Variants in TEX2 observed in about 807,000 individuals in gnomAD.
TEX2 encodes testis-expressed protein 2.
Under a neutral mutation model 106.9 loss-of-function variants are expected in TEX2, and 53 were observed. That is an observed-to-expected ratio of 0.50 (90% CI 0.40 to 0.62). The LOEUF (loss-of-function observed/expected upper bound fraction) is 0.62, where lower values mean the gene tolerates loss of function less well. Ranked by LOEUF, TEX2 falls within the 20% of genes least tolerant of loss-of-function variation. The pLI, the probability that TEX2 is intolerant of heterozygous loss-of-function variation, is 0.00. For synonymous variants in TEX2, 523 were observed against 534.8 expected, an observed-to-expected ratio of 0.98 and a Z score of 0.30; for missense variants, 1,207 against 1,379.0, an observed-to-expected ratio of 0.88 and a Z score of 1.98.
At chr17:64,211,023 G>A (rs1484429914) in intron 2 of TEX2, among the ~76,000 whole-genome samples, 5 of 151,930 alleles carry the variant, frequency 3.3e-5, no homozygotes, top group African/African-American at 4.8e-5. Flanking sequence ...GTGCAGTGGC[G>A]CAATCTCAGC....
chr17:64,203,654 C>G (rs1442803407), intron 2 of TEX2, among the ~76,000 whole-genome samples: 1 of 152,120 alleles, frequency 6.6e-6, no homozygotes, highest in African/African-American at 2.4e-5. Context: ...AGCAGACCCA[C>G]AGACATCCAG....
intron 5 of TEX2, among the ~76,000 whole-genome samples, chr17:64,184,674 C>T (rs2032011683): frequency 1.3e-5 from 2 of 152,084 alleles, no homozygotes; most frequent in Admixed American, 6.5e-5. Context: ...GTTTATCGAA[C>T]CCAAAGTCAC....
intron 7 of TEX2, among the ~76,000 whole-genome samples, chr17:64,170,794 G>A (rs1300640624): frequency 4.0e-5 from 6 of 151,858 alleles, no homozygotes; most frequent in Admixed American, 1.3e-4. Flanking sequence ...CACCACGCCC[G>A]ACTAATTTTT....
intron 3 of TEX2, among the ~76,000 whole-genome samples, chr17:64,194,346 C>T (rs2032394978): frequency 6.6e-6 from 1 of 152,180 alleles, no homozygotes; most frequent in South Asian, 2.1e-4. Flanking sequence ...GTACTTCTCT[C>T]ACATTGGAGA....
intron 7 of TEX2, among the ~76,000 whole-genome samples, 174 bp downstream of exon 7, chr17:64,170,926 T>G (rs908403257): frequency 1.3e-5 from 2 of 152,084 alleles, no homozygotes; most frequent in African/African-American, 2.4e-5. Flanking sequence ...TAAGCCACCA[T>G]GCCCGGCCCC....
chr17:64,227,087 G>T (rs1317534023), intron 1 of TEX2, among the ~76,000 whole-genome samples: 1 of 152,006 alleles, frequency 6.6e-6, no homozygotes, highest in Non-Finnish European at 1.5e-5. Flanking sequence ...TTAGCTGGGC[G>T]TGGCGGTGCG....
chr17:64,254,084 C>G (rs1555637370), intron 1 of TEX2, among the ~76,000 whole-genome samples: 1 of 152,172 alleles, frequency 6.6e-6, no homozygotes, highest in Non-Finnish European at 1.5e-5. Flanking sequence ...AGCCACTTAA[C>G]AGACGCCTCT....
chr17:64,156,186 A>C (rs577833825), intron 8 of TEX2: 1 of 152,454 alleles, frequency 6.6e-6, no homozygotes, highest in South Asian at 2.1e-4. Context: ...CACACATGCC[A>C]GTGTGGAACT....
At position 64,213,483 on chromosome 17, in the gene TEX2, G is replaced by A; in HGVS notation, c.735C>T (p.His245=). The change falls in exon 2 of 12, where the codon CAC becomes CAT. Residue 245 remains histidine, a synonymous_variant. Transcript: ENST00000584379. The surrounding 1 kb of genome is among the most constrained non-coding windows in gnomAD (Gnocchi z 4.4). ...YKPPDSKLNL[H]LFKQFTQPRN... ...GGGGCTGTGTGAACTGCTTGAACAG[G>A]TGTAAGTTCAGTTTGGAATCAGGTG... is the stretch of plus-strand genomic sequence containing the variant. 6.2e-7 allele frequency: 1 copy of A among 1,614,192 alleles called. No homozygotes were observed.
chr17:64,168,407 G>A (rs187177070), intron 7 of TEX2, among the ~76,000 whole-genome samples: 2 of 152,232 alleles, frequency 1.3e-5, no homozygotes, highest in African/African-American at 2.4e-5. Context: ...CTCTAAAAAC[G>A]TACCCTGAAA....
At chr17:64,208,723 C>T (rs2032913733) in intron 2 of TEX2, among the ~76,000 whole-genome samples, 2 of 152,114 alleles carry the variant, frequency 1.3e-5, no homozygotes, top group Non-Finnish European at 2.9e-5. Flanking sequence ...CTCCTGGACT[C>T]AAGTGATCCT....
intron 5 of TEX2, among the ~76,000 whole-genome samples, chr17:64,181,672 G>A (rs980172582): frequency 7.2e-5 from 11 of 151,740 alleles, no homozygotes; most frequent in African/African-American, 1.2e-4. Flanking sequence ...TCACCACCAC[G>A]CCTGGCTAAT....
In TEX2 at chr17:64,188,285, C is replaced by T. The variant is rs781039034; in HGVS notation, c.2307G>A (p.Arg769=). 1 of 1,614,092 alleles carries T rather than the reference C, an allele frequency of 6.2e-7. No individual in the cohort carries two copies. The highest frequency in any genetic ancestry group is 1.7e-5 in the Admixed American group (1 of 60,008). ...CGCTGTAGTCGAGAAGCATCTTCTG[C>T]CGCACGCTGCCTGCCAGCTCCTTCT... ...PKQKELAGSV[R]QKMLLDYSVY... is the part of the protein sequence containing the mutation. The change falls in exon 5 of 12, where the codon CGG becomes CGA. Residue 769 remains arginine (R), a synonymous_variant. Coordinates refer to ENST00000584379, the MANE Select transcript of TEX2 (RefSeq NM_001288732.2).
intron 1 of TEX2, among the ~76,000 whole-genome samples, chr17:64,233,378 C>A (rs1174401044): frequency 6.6e-6 from 1 of 152,084 alleles, no homozygotes; most frequent in African/African-American, 2.4e-5. Flanking sequence ...TCAAGACCAG[C>A]CTGGCCAAGA....
At chr17:64,227,300 G>T (rs1266542720) in intron 1 of TEX2, among the ~76,000 whole-genome samples, 1 of 151,430 alleles carries the variant, frequency 6.6e-6, no homozygotes, top group East Asian at 1.9e-4. Flanking sequence ...ACTCAGGACA[G>T]GTATGTCCTA....
At chr17:64,225,552 C>T (rs1158226714) in intron 1 of TEX2, among the ~76,000 whole-genome samples, 3 of 152,016 alleles carry the variant, frequency 2.0e-5, no homozygotes, top group African/African-American at 7.3e-5. Flanking sequence ...ATTCCTAAAC[C>T]GTAGGCTCTT....
intron 2 of TEX2, among the ~76,000 whole-genome samples, chr17:64,208,519 G>T (rs2032907348): frequency 6.6e-6 from 1 of 151,802 alleles, no homozygotes; most frequent in South Asian, 2.1e-4. Context: ...GATTACAGGG[G>T]TGAGCCACCA....
intron 1 of TEX2, among the ~76,000 whole-genome samples, chr17:64,222,123 G>A (rs782749683): frequency 3.3e-5 from 5 of 152,118 alleles, no homozygotes; most frequent in Non-Finnish European, 5.9e-5. Context: ...TAATACTACC[G>A]AACTTAAAAA....
In TEX2 at chr17:64,148,106, CTG is replaced by C. The variant is rs762225026; in HGVS notation, c.*861_*862del. 8.5e-5 allele frequency: 13 copies of C among 152,658 alleles called. No individual in the cohort carries two copies. The highest frequency in any genetic ancestry group is 3.4e-3 in the Middle Eastern group (1 of 294). The allele number at this position is 152,658 out of a possible 1,614,324, so 9.5% of individuals were successfully genotyped here. ...GAACTCTCCCAATCAGATTAACAAA[CTG>C]TTTCGATTCCCATATAAACCTGGAG... On this transcript the variant is annotated 3_prime_UTR_variant, in exon 12 of 12. Transcript: ENST00000584379.
Sources: gnomAD v4.1 joint callset for allele counts (sites outside exome capture counted in the v4.1 genomes callset) on GRCh38, gnomAD v4.1.1 for gene constraint, Gnocchi (gnomAD v3.1) non-coding constraint, MANE v1.5 for transcripts, NCBI Gene and HGNC (gene_info 2026-07-23, HGNC 2026-07-21) for gene names.